The following ZNF385D variants were observed in gnomAD, a reference collection of about 807,000 sequenced individuals.
ZNF385D encodes zinc finger protein 659.
In ZNF385D, 15 loss-of-function variants were observed where a neutral mutation model predicts 35.8. The ratio of observed to expected loss-of-function variants is 0.42; its 90% CI spans 0.28 to 0.64. The LOEUF (loss-of-function observed/expected upper bound fraction) is 0.64, where lower values mean the gene tolerates loss of function less well. ZNF385D is among the 30% of genes least tolerant of loss of function. ZNF385D has a pLI of 0.23. For missense variants in ZNF385D, 474 were observed against 494.6 expected (o/e 0.96, Z 0.39); for synonymous variants, 212 against 186.8 (o/e 1.13, Z -1.10).
intron 3 of ZNF385D, among the ~76,000 whole-genome samples, chr3:21,532,053 A>G (rs2061936628): frequency 6.7e-6 from 1 of 150,182 alleles, no homozygotes; most frequent in Non-Finnish European, 1.5e-5. Context: ...AAACTGCTCT[A>G]AAAATAAAGT....
At chr3:21,596,558 C>G (rs937364432) in intron 2 of ZNF385D, among the ~76,000 whole-genome samples, 1 of 151,760 alleles carries the variant, frequency 6.6e-6, no homozygotes, top group Non-Finnish European at 1.5e-5. Context: ...TGCTCTCACC[C>G]AGGCTGGACT....
intron 2 of ZNF385D, among the ~76,000 whole-genome samples, chr3:22,177,213 G>A (rs940691767): frequency 1.3e-5 from 2 of 152,102 alleles, no homozygotes; most frequent in African/African-American, 4.8e-5. Context: ...TTTTTTTAAA[G>A]CTACTTTAAA....
rs113265279 is a variant in ZNF385D at position 21,968,406 on chromosome 3, A to T, written c.325+200411T>A. ...TTCAGAGCCAGTGGACTTGAGGTAC[A>T]CATGACCTAGTGAGACATCAGCCTA... On this transcript the variant is annotated intron_variant, in intron 3 of 5. Transcript: ENST00000494108. Among the ~76,000 whole-genome samples the T allele has an allele frequency of 2.4e-3, 361 of 152,202 alleles. 4 individuals carry two copies. The highest frequency in any genetic ancestry group is 8.2e-3 in the African/African-American group (339 of 41,538).
chr3:21,590,131 G>A (rs957420982), intron 2 of ZNF385D, among the ~76,000 whole-genome samples: 29 of 151,892 alleles, frequency 1.9e-4, no homozygotes, highest in Non-Finnish European at 3.7e-4. Context: ...TGTACCCTAT[G>A]GTCTATTCAC....
chr3:21,610,872 C>G (rs559705128), intron 2 of ZNF385D, among the ~76,000 whole-genome samples: 2 of 152,072 alleles, frequency 1.3e-5, no homozygotes, highest in South Asian at 4.2e-4. Flanking sequence ...AGACTGCAAT[C>G]AGGATATCAG....
intron 2 of ZNF385D, among the ~76,000 whole-genome samples, chr3:21,612,536 A>G (rs1185448344): frequency 6.6e-6 from 1 of 152,228 alleles, no homozygotes; most frequent in African/African-American, 2.4e-5. Flanking sequence ...TATGTATACT[A>G]CCTTGTGGGA....
At chr3:22,118,044 G>A (rs1014331308) in intron 3 of ZNF385D, among the ~76,000 whole-genome samples, 3 of 151,966 alleles carry the variant, frequency 2.0e-5, no homozygotes, top group South Asian at 2.1e-4. Context: ...TGTAACAGAC[G>A]CACAATTAAA....
At chr3:21,644,975 A>G (rs1474029881) in intron 2 of ZNF385D, among the ~76,000 whole-genome samples, 3 of 152,198 alleles carry the variant, frequency 2.0e-5, no homozygotes, top group African/African-American at 7.2e-5. Flanking sequence ...TGATTACACG[A>G]AATAAAAGTA....
chr3:21,958,748 A>T (rs181811657), intron 3 of ZNF385D: 2 of 144,432 alleles, frequency 1.4e-5, no homozygotes, highest in East Asian at 4.1e-4. Context: ...TAAGCTGTAG[A>T]GTGATGGCTT....
intron 3 of ZNF385D, among the ~76,000 whole-genome samples, chr3:21,876,488 C>A (rs1275506022): frequency 1.3e-5 from 2 of 151,528 alleles, no homozygotes; most frequent in Non-Finnish European, 2.9e-5. Flanking sequence ...ATTCTTTTGA[C>A]TAAGAATGAC....
chr3:21,994,573 T>C (rs1198265223), intron 3 of ZNF385D, among the ~76,000 whole-genome samples: 1 of 152,220 alleles, frequency 6.6e-6, no homozygotes, highest in East Asian at 1.9e-4. Flanking sequence ...TTGAGAATTA[T>C]TGTGTTCCTT....
rs183265951 is a variant in ZNF385D at position 21,766,571 on chromosome 3, G to T, written c.326-101543C>A. ...GTAACTCACTATATATCTGCTTTAA[G>T]ATGCAAATCTTGAGGGAGATATTGC... On this transcript the variant is annotated intron_variant, in intron 3 of 5. Transcript: ENST00000494108. Among the ~76,000 whole-genome samples, 61 of 152,214 alleles carry T rather than the reference G, an allele frequency of 4.0e-4. 2 individuals are homozygous for T. The highest frequency in any genetic ancestry group is 1.3e-3 in the African/African-American group (56 of 41,542).
intron 3 of ZNF385D, among the ~76,000 whole-genome samples, chr3:21,912,587 A>G (rs1479970): frequency 2.0e-5 from 3 of 152,042 alleles, no homozygotes; most frequent in African/African-American, 4.8e-5. Context: ...AGTGCATGCA[A>G]GTCAGGAGAC....
chr3:21,694,486 T>C (rs2067400922), intron 1 of ZNF385D, among the ~76,000 whole-genome samples: 1 of 152,284 alleles, frequency 6.6e-6, no homozygotes, highest in South Asian at 2.1e-4. Flanking sequence ...ATCTGCTTTC[T>C]CTCAGCCCTC....
intron 3 of ZNF385D, among the ~76,000 whole-genome samples, chr3:22,164,050 C>T (rs1295114700): frequency 6.6e-6 from 1 of 152,024 alleles, no homozygotes; most frequent in Admixed American, 6.6e-5. Context: ...CCTGCAAAGG[C>T]ACATTTTAAT....
chr3:21,969,483 A>G (rs1032816607), intron 3 of ZNF385D, among the ~76,000 whole-genome samples: 3 of 152,140 alleles, frequency 2.0e-5, no homozygotes, highest in Admixed American at 1.3e-4. Flanking sequence ...CTGTGAGTCA[A>G]TTAAATCTCT....
chr3:21,955,449 A>C (rs766599375), intron 3 of ZNF385D, among the ~76,000 whole-genome samples: 6 of 152,130 alleles, frequency 3.9e-5, no homozygotes, highest in Admixed American at 6.6e-5. Context: ...AATTCTGGCC[A>C]ATAAATATCA....
chr3:22,189,244 G>A (rs1695855121), intron 2 of ZNF385D, among the ~76,000 whole-genome samples: 1 of 152,098 alleles, frequency 6.6e-6, no homozygotes, highest in South Asian at 2.1e-4. Flanking sequence ...ATGACCTATG[G>A]CATAAACTGC....
intron 3 of ZNF385D, among the ~76,000 whole-genome samples, chr3:21,888,468 G>A (rs1229427968): frequency 6.6e-6 from 1 of 152,084 alleles, no homozygotes; most frequent in Admixed American, 6.5e-5. Context: ...GGGATTTCTC[G>A]TGGTTCCTAG....
Sources: gnomAD v4.1 joint callset for allele counts (sites outside exome capture counted in the v4.1 genomes callset) on GRCh38, gnomAD v4.1.1 for gene constraint, MANE v1.5 for transcripts, NCBI Gene and HGNC (gene_info 2026-07-23, HGNC 2026-07-21) for gene names.